SPAG17: variants seen among roughly 807,000 people sequenced by gnomAD.
SPAG17 encodes the protein sperm associated antigen 17.
SPAG17 carries 169 observed loss-of-function variants against 273.6 expected under a neutral mutation model. The observed-to-expected ratio is 0.62, with a 90% confidence interval of 0.55 to 0.70. The LOEUF is 0.70. Among genes scored for constraint, SPAG17 ranks in the 30% least tolerant of loss-of-function variants. The pLI is 0.00. For missense variants in SPAG17, 2,557 were observed against 2,627.8 expected, an observed-to-expected ratio of 0.97 and a Z score of 0.59; for synonymous variants, 825 against 873.2, an observed-to-expected ratio of 0.94 and a Z score of 0.97.
At chr1:118,066,394 A>C (rs1322485636) in intron 18 of SPAG17, among the ~76,000 whole-genome samples, 1 of 152,208 alleles carries the variant, frequency 6.6e-6, no homozygotes, top group African/African-American at 2.4e-5. Context: ...GAGTTAAAAA[A>C]ACCCAACATG....
intron 13 of SPAG17, 46 bp from the exon 14 acceptor site, chr1:118,081,688 A>G: frequency 2.0e-6 from 3 of 1,515,574 alleles, no homozygotes; most frequent in Non-Finnish European, 2.7e-6. Context: ...TCTTATTAGC[A>G]CATGGTACAG....
At chr1:118,016,919 T>A (rs1660036732) in intron 28 of SPAG17, among the ~76,000 whole-genome samples, 1 of 152,222 alleles carries the variant, frequency 6.6e-6, no homozygotes, top group Non-Finnish European at 1.5e-5. Context: ...AATCTGTAGA[T>A]GAGACTTGAC....
chr1:118,056,579 C>A (rs960883432), intron 18 of SPAG17, among the ~76,000 whole-genome samples: 7 of 151,970 alleles, frequency 4.6e-5, no homozygotes, highest in African/African-American at 1.7e-4. Flanking sequence ...ATATGAACGT[C>A]CAAAGAGAGT....
chr1:118,091,642 A>T lies in SPAG17; in HGVS notation c.1323T>A (p.Ile441=), dbSNP rs1295961138. The part of the protein sequence containing the change: ...YLLNPIREEF[I]SVPLILHCML... ...TACAATGCAGTATCAGGGGCACAGA[A>T]ATGAATTCCTCTCGAATTGGATTCA... is the stretch of plus-strand genomic sequence containing the variant. The change falls in exon 10 of 49, where the codon ATT becomes ATA. Residue 441 remains isoleucine (I), a synonymous_variant. Transcript: ENST00000336338. 1 of 1,612,708 alleles carries T rather than the reference A, an allele frequency of 6.2e-7. No homozygotes were observed. The highest frequency in any genetic ancestry group is 2.2e-5 in the East Asian group (1 of 44,818).
chr1:118,005,634 A>G, intron 31 of SPAG17, 32 bp from the exon 32 acceptor site: 1 of 1,376,812 alleles, frequency 7.3e-7, no homozygotes, highest in African/African-American at 1.5e-5. Context: ...AGAAATTATT[A>G]AAATTTTCTT....
intron 32 of SPAG17, among the ~76,000 whole-genome samples, chr1:117,997,566 TAAAA>T (rs11428560): frequency 8.1e-6 from 1 of 123,400 alleles, no homozygotes. Context: ...GAATGAGAAG[TAAAA>T]AAAAAAAAAA....
chr1:118,117,784 G>A (rs1657178823), intron 3 of SPAG17, among the ~76,000 whole-genome samples: 1 of 152,234 alleles, frequency 6.6e-6, no homozygotes, highest in African/African-American at 2.4e-5. Context: ...CACTAGGAAT[G>A]GCAGAGGCCA....
At chr1:117,976,111 T>TAG (rs1441161968) in intron 43 of SPAG17, among the ~76,000 whole-genome samples, 3 of 152,148 alleles carry the variant, frequency 2.0e-5, no homozygotes, top group African/African-American at 7.2e-5. Context: ...TGAACCCAGG[T>TAG]AGAGCCTGTA....
chr1:118,116,980 C>T (rs1284392236), intron 3 of SPAG17, among the ~76,000 whole-genome samples: 1 of 152,130 alleles, frequency 6.6e-6, no homozygotes, highest in Non-Finnish European at 1.5e-5. Flanking sequence ...TGACCAGATC[C>T]CACGTGGAAG....
intron 1 of SPAG17, among the ~76,000 whole-genome samples, chr1:118,167,132 CATGATGTTCTTTAAGTTTTCTTTCATTA>C (rs1180984998): frequency 6.6e-6 from 1 of 152,124 alleles, no homozygotes; most frequent in East Asian, 1.9e-4. Context: ...AAAGCTGATA[CATGATGTTCTTTAAGTTTTCTTTCATTA>C]ATGATTGCAA....
chr1:118,022,396 A>C (rs572252072), intron 28 of SPAG17, among the ~76,000 whole-genome samples: 1 of 150,464 alleles, frequency 6.6e-6, no homozygotes. Context: ...TGGTAAACCA[A>C]GAAAAGACAT....
At chr1:117,954,375 A>T (rs1160506984) in intron 48 of SPAG17, among the ~76,000 whole-genome samples, 2 of 152,082 alleles carry the variant, frequency 1.3e-5, no homozygotes, top group Non-Finnish European at 2.9e-5. Flanking sequence ...ACCATTTCAG[A>T]TTTCTAGATA....
chr1:118,120,085 TG>T (rs1657333975), intron 3 of SPAG17, among the ~76,000 whole-genome samples: 1 of 152,220 alleles, frequency 6.6e-6, no homozygotes, highest in Admixed American at 6.5e-5. Flanking sequence ...GTAGCATTTT[TG>T]TTCCCACCAA....
chr1:117,955,856 G>T (rs1652123734), intron 48 of SPAG17, among the ~76,000 whole-genome samples: 1 of 151,096 alleles, frequency 6.6e-6, no homozygotes, highest in African/African-American at 2.4e-5. Flanking sequence ...ATTATCAGTG[G>T]CTTCACTGAA....
intron 3 of SPAG17, among the ~76,000 whole-genome samples, chr1:118,141,461 T>C (rs1035922669): frequency 2.6e-5 from 4 of 152,244 alleles, no homozygotes; most frequent in African/African-American, 9.6e-5. Context: ...ATTTTATTTT[T>C]TAATGCACAT....
chr1:118,136,456 A>G (rs1296936623), intron 3 of SPAG17, among the ~76,000 whole-genome samples: 1 of 152,202 alleles, frequency 6.6e-6, no homozygotes, highest in Non-Finnish European at 1.5e-5. Flanking sequence ...AACGAATATA[A>G]TGGGTTAACA....
chr1:117,997,748 A>T (rs1445578506), intron 32 of SPAG17, among the ~76,000 whole-genome samples: 1 of 152,148 alleles, frequency 6.6e-6, no homozygotes, highest in African/African-American at 2.4e-5. Flanking sequence ...GTATGTAAAC[A>T]AATGAGCATG....
In SPAG17 at chr1:117,963,887, C is replaced by T. The variant is rs1160595985; in HGVS notation, c.6584G>A (p.Gly2195Glu). 5 of 1,613,914 alleles carry T rather than the reference C, an allele frequency of 3.1e-6. No individual in the cohort carries two copies. In the Admixed American group the frequency reaches 6.7e-5, roughly 22 times the overall value. ...TCTCTGGACCATTGGATTTTCTTTT[C>T]CCTGGGGAAAGTCTTTTGGTCGTTT... ...YDKRPKDFPQ[G>E]KENPMVQRTS... Residue 2195 changes from glycine (G) to glutamate (E), a missense_variant, in exon 48 of 49, where the codon GGA (glycine) becomes GAA (glutamate). Transcript: ENST00000336338.
chr1:118,167,901 CAT>C lies in SPAG17; in HGVS notation c.88-16534_88-16533del, dbSNP rs563407491. ...CACAATAGTGAGTGGGTTCTCGTGA[CAT>C]GTGGTCATTTAAAAGTGTGTGGCAT... On this transcript the variant is annotated intron_variant, in intron 1 of 48. Coordinates refer to ENST00000336338, the MANE Select transcript of SPAG17 (RefSeq NM_206996.4). 1.1e-4 allele frequency among the ~76,000 whole-genome samples: 17 copies of C among 152,238 alleles called. No homozygotes were observed. The South Asian group carries it at 3.5e-3, about 32-fold the overall frequency.
Sources: allele counts gnomAD v4.1 joint callset (sites outside exome capture counted in the v4.1 genomes callset), GRCh38; gene constraint gnomAD v4.1.1; transcripts MANE v1.5; gene names NCBI Gene and HGNC (gene_info 2026-07-23, HGNC 2026-07-21).